CNOT6L: variants seen among roughly 807,000 people sequenced by gnomAD.
The protein encoded by CNOT6L is CCR4-NOT transcription complex subunit 6-like.
Under a neutral mutation model 64.0 loss-of-function variants are expected in CNOT6L, and 7 were observed. That is an observed-to-expected ratio of 0.11 (90% CI 0.06 to 0.21). The LOEUF (loss-of-function observed/expected upper bound fraction) is 0.21, where lower values mean the gene tolerates loss of function less well. Among genes scored for constraint, CNOT6L ranks in the 10% least tolerant of loss-of-function variants. The pLI, the probability that CNOT6L is intolerant of heterozygous loss-of-function variation, is 1.00. For missense variants in CNOT6L, 245 were observed against 669.0 expected, an observed-to-expected ratio of 0.37 and a Z score of 6.99; for synonymous variants, 193 against 243.4, an observed-to-expected ratio of 0.79 and a Z score of 1.93.
chr4:77,742,016 T>A (rs1723653622), intron 8 of CNOT6L, 125 bp downstream of exon 8: 1 of 794,862 alleles, frequency 1.3e-6, no homozygotes, highest in East Asian at 2.7e-5. Context: ...ACAACAGTTT[T>A]AAGTTGCATA....
chr4:77,727,777 G>C (rs554557481), intron 10 of CNOT6L, among the ~76,000 whole-genome samples: 1 of 150,464 alleles, frequency 6.6e-6, no homozygotes, highest in Non-Finnish European at 1.5e-5. Flanking sequence ...TTCAACTTAA[G>C]AAAGGATTAA....
intron 1 of CNOT6L, among the ~76,000 whole-genome samples, chr4:77,808,081 C>CA (rs1732459858): frequency 6.6e-6 from 1 of 152,070 alleles, no homozygotes; most frequent in South Asian, 2.1e-4. Flanking sequence ...TGTTAAAAAA[C>CA]AAAAAAATTA....
At chr4:77,781,130 T>C (rs924207167) in intron 1 of CNOT6L, among the ~76,000 whole-genome samples, 1 of 151,340 alleles carries the variant, frequency 6.6e-6, no homozygotes, top group African/African-American at 2.4e-5. Context: ...AGATGAACAA[T>C]GAGAACACAT....
At chr4:77,732,081 C>A (rs1722501476) in intron 8 of CNOT6L, among the ~76,000 whole-genome samples, 2 of 152,084 alleles carry the variant, frequency 1.3e-5, no homozygotes, top group Non-Finnish European at 2.9e-5. Flanking sequence ...AATACAGGGG[C>A]ACACCTTTAT....
At chr4:77,762,864 G>A in intron 4 of CNOT6L, among the ~76,000 whole-genome samples, 1 of 152,078 alleles carries the variant, frequency 6.6e-6, no homozygotes, top group Non-Finnish European at 1.5e-5. Context: ...TCTTGACTGT[G>A]GTGCTGGTTA....
In CNOT6L at chr4:77,714,438, TAAAAAA is replaced by T. The variant is rs201499481; in HGVS notation, c.*5987_*5992del. 6.8e-4 allele frequency: 91 copies of T among 134,528 alleles called. No individual in the cohort carries two copies. Among genetic ancestry groups the T allele is most frequent in the South Asian group, 1.2e-3 (5 of 4,100 alleles). 8.3% of individuals were successfully genotyped at this position (134,528 alleles called of 1,614,324 possible). On this transcript the variant is annotated 3_prime_UTR_variant, in exon 12 of 12. Coordinates refer to ENST00000504123, the MANE Select transcript of CNOT6L (RefSeq NM_144571.3). ...AGAAAAAGTACATACACACTCTCTT[TAAAAAA>T]AAAAAAAAAAAAAAAAAAAAAAAAA... is the stretch of plus-strand genomic sequence containing the variant.
rs142888128 is a variant in CNOT6L at position 77,743,586 on chromosome 4, C to CTTTTT, written c.717+1127_717+1131dup. ...GAATGTGTGAAATTGTAACACACAA[C>CTTTTT]TTTTTTTTTTTTTTTTTTTTTTTTT... On this transcript the variant is annotated intron_variant, in intron 7 of 11. Coordinates refer to ENST00000504123, the MANE Select transcript of CNOT6L (RefSeq NM_144571.3). Among the ~76,000 whole-genome samples, 124 of 70,892 alleles carry CTTTTT rather than the reference C, an allele frequency of 1.7e-3. 11 individuals carry two copies. Among genetic ancestry groups the CTTTTT allele is most frequent in the African/African-American group, 5.4e-3 (79 of 14,642 alleles). The allele number at this position is 70,892 out of a possible 152,430, so 46.5% of individuals were successfully genotyped here. A position where few individuals can be genotyped will look rare whatever the true frequency, so the allele number is the denominator to read the frequency against.
At chr4:77,811,405 A>G (rs1732922246) in intron 1 of CNOT6L, among the ~76,000 whole-genome samples, 1 of 152,190 alleles carries the variant, frequency 6.6e-6, no homozygotes, top group East Asian at 1.9e-4. Flanking sequence ...GTCTCTACTA[A>G]AAGTACAAAA....
chr4:77,716,716 T>TATAACTTTAA lies in CNOT6L; in HGVS notation c.*3705_*3714dup, dbSNP rs1329192336. ...TCCCTTGCTTCTCTGTGATTTAATA[T>TATAACTTTAA]ATAACTTTAAGACACCAAAAAAATA... On this transcript the variant is annotated 3_prime_UTR_variant, in exon 12 of 12. Coordinates refer to ENST00000504123, the MANE Select transcript of CNOT6L (RefSeq NM_144571.3). The TATAACTTTAA allele has an allele frequency of 6.6e-6, 1 of 152,556 alleles. No individual in the cohort carries two copies. The highest frequency in any genetic ancestry group is 1.5e-5 in the Non-Finnish European group (1 of 68,014). 9.5% of individuals were successfully genotyped at this position (152,556 alleles called of 1,614,324 possible). A position where few individuals can be genotyped will look rare whatever the true frequency, so the allele number is the denominator to read the frequency against.
At chr4:77,782,037 C>T (rs983176623) in intron 1 of CNOT6L, among the ~76,000 whole-genome samples, 2 of 152,110 alleles carry the variant, frequency 1.3e-5, no homozygotes, top group Admixed American at 1.3e-4. Context: ...AAAATTAAGC[C>T]TATATGAGGC....
At chr4:77,805,315 A>C (rs1306521505) in intron 1 of CNOT6L, among the ~76,000 whole-genome samples, 1 of 152,218 alleles carries the variant, frequency 6.6e-6, no homozygotes, top group Non-Finnish European at 1.5e-5. Flanking sequence ...TCTGCAAAGA[A>C]AAGTACATTA....
intron 4 of CNOT6L, among the ~76,000 whole-genome samples, chr4:77,763,510 T>C (rs1352771891): frequency 6.6e-6 from 1 of 152,102 alleles, no homozygotes; most frequent in Admixed American, 6.5e-5. Context: ...CCAAGATATG[T>C]AGAGCAAAAA....
intron 4 of CNOT6L, among the ~76,000 whole-genome samples, chr4:77,759,577 A>AG (rs1357099103): frequency 2.0e-5 from 3 of 150,870 alleles, no homozygotes; most frequent in Non-Finnish European, 1.5e-5. Flanking sequence ...AAAAAGAAGA[A>AG]AAAAAAAAAC....
intron 1 of CNOT6L, among the ~76,000 whole-genome samples, chr4:77,796,671 AAG>A (rs755968401): frequency 1.2e-4 from 19 of 152,208 alleles, no homozygotes; most frequent in Non-Finnish European, 2.4e-4. Flanking sequence ...ACGTAATTTC[AAG>A]AGTTATTACA....
chr4:77,810,177 T>C (rs1225313981), intron 1 of CNOT6L, among the ~76,000 whole-genome samples: 1 of 152,116 alleles, frequency 6.6e-6, no homozygotes, highest in Non-Finnish European at 1.5e-5. Flanking sequence ...TTCTGAGAAC[T>C]ATACATGAAA....
chr4:77,725,265 G>T (rs111956439), intron 11 of CNOT6L, among the ~76,000 whole-genome samples: 1 of 152,060 alleles, frequency 6.6e-6, no homozygotes, highest in African/African-American at 2.4e-5. Context: ...AATAGAAAAA[G>T]GTTATTGGAA....
chr4:77,753,438 A>T (rs2109985403), intron 5 of CNOT6L, among the ~76,000 whole-genome samples: 1 of 152,278 alleles, frequency 6.6e-6, no homozygotes. Context: ...TGAGAAGCCA[A>T]GGTGAGCTGA....
At chr4:77,765,162 G>C (rs962025182) in intron 4 of CNOT6L, among the ~76,000 whole-genome samples, 4 of 152,072 alleles carry the variant, frequency 2.6e-5, no homozygotes, top group African/African-American at 9.7e-5. Context: ...ACTCCCACCA[G>C]CTCCATGACA....
intron 1 of CNOT6L, among the ~76,000 whole-genome samples, chr4:77,814,226 A>C (rs763943709): frequency 8.7e-4 from 132 of 152,204 alleles, no homozygotes; most frequent in Non-Finnish European, 1.3e-3. Context: ...GCATAAGAGA[A>C]TGAAGGGTGA....
Sources: gnomAD v4.1 joint callset for allele counts (sites outside exome capture counted in the v4.1 genomes callset) on GRCh38, gnomAD v4.1.1 for gene constraint, MANE v1.5 for transcripts, NCBI Gene and HGNC (gene_info 2026-07-23, HGNC 2026-07-21) for gene names.